STAB2: variants seen among roughly 807,000 people sequenced by gnomAD.
STAB2 encodes the protein stabilin 2.
A neutral mutation model predicts 338.1 loss-of-function variants in STAB2; 288 were observed. The ratio of observed to expected loss-of-function variants is 0.85; its 90% confidence interval spans 0.77 to 0.94. The LOEUF is 0.94. Ranked by LOEUF, STAB2 falls within the 40% of genes least tolerant of loss-of-function variation. The probability of loss-of-function intolerance (pLI) is 0.00; values close to 1 mark genes in which losing one functional copy is unlikely to be tolerated. For synonymous variants in STAB2, 1,202 were observed against 1,193.3 expected, an observed-to-expected ratio of 1.01 and a Z score of -0.15; for missense variants, 3,141 against 3,210.1, an observed-to-expected ratio of 0.98 and a Z score of 0.52.
intron 41 of STAB2, 69 bp downstream of exon 41, chr12:103,712,512 C>T: frequency 8.0e-7 from 1 of 1,253,242 alleles, no homozygotes; most frequent in Non-Finnish European, 1.2e-6. Context: ...GGTTCTTGTT[C>T]CTGCAGTCTG....
At chr12:103,706,677 T>C (rs1879374401) in intron 37 of STAB2, 115 bp from the exon 38 acceptor site, 2 of 1,363,060 alleles carry the variant, frequency 1.5e-6, no homozygotes, top group African/African-American at 1.4e-5. Flanking sequence ...ACCCACTCCA[T>C]GTGAGGTCGA....
At chr12:103,700,071 C>T (rs1420168776) in intron 34 of STAB2, among the ~76,000 whole-genome samples, 1 of 152,158 alleles carries the variant, frequency 6.6e-6, no homozygotes, top group African/African-American at 2.4e-5. Flanking sequence ...TAGGACTAAC[C>T]GACCACCACA....
At chr12:103,646,582 C>T (rs1873353864) in intron 9 of STAB2, among the ~76,000 whole-genome samples, 7 of 152,182 alleles carry the variant, frequency 4.6e-5, no homozygotes, top group Admixed American at 4.6e-4. Flanking sequence ...GGTCAAGTGG[C>T]CTTACCATGT....
intron 30 of STAB2, among the ~76,000 whole-genome samples, chr12:103,691,349 A>C (rs917540747): frequency 3.3e-5 from 5 of 152,226 alleles, no homozygotes; most frequent in Non-Finnish European, 5.9e-5. Context: ...CACTATGAAA[A>C]AGATCTATGC....
In STAB2 at chr12:103,745,219, C is replaced by T. The variant is rs1882929174; in HGVS notation, c.6078C>T (p.Gly2026=). The change falls in exon 57 of 69, where the codon GGC becomes GGT. Residue 2026 remains glycine, a synonymous_variant. Transcript: ENST00000388887. The part of the protein sequence containing the change: ...DHGQCDDGIT[G]SGQCLCETGW... ...GACAGTGCGATGATGGCATCACGGG[C>T]TCCGGGCAGTGCCTCTGTGAAACGG... 4 of 1,614,058 alleles carry T rather than the reference C, an allele frequency of 2.5e-6. No individual in the cohort carries two copies. Among genetic ancestry groups the T allele is most frequent in the Admixed American group, 3.3e-5 (2 of 60,026 alleles).
chr12:103,735,255 G>A (rs1302378547), intron 51 of STAB2, among the ~76,000 whole-genome samples: 3 of 152,058 alleles, frequency 2.0e-5, no homozygotes, highest in African/African-American at 4.8e-5. Flanking sequence ...GAGATGGAAG[G>A]GTGATTGAAA....
chr12:103,609,724 G>A (rs1214370552), intron 3 of STAB2, among the ~76,000 whole-genome samples: 2 of 152,090 alleles, frequency 1.3e-5, no homozygotes, highest in Non-Finnish European at 2.9e-5. Context: ...CCAACACTAT[G>A]TTGAATAGGA....
intron 58 of STAB2, among the ~76,000 whole-genome samples, chr12:103,748,633 C>T (rs890458320): frequency 2.4e-5 from 2 of 84,862 alleles, no homozygotes; most frequent in Non-Finnish European, 4.5e-5. Flanking sequence ...CACACACACA[C>T]ACACACACAC....
chr12:103,735,428 CT>C, intron 51 of STAB2, 62 bp from the exon 52 acceptor site: 1 of 1,287,346 alleles, frequency 7.8e-7, no homozygotes, highest in Non-Finnish European at 1.1e-6. Flanking sequence ...GGTAAAGCTC[CT>C]TCGGGCCGTC....
At chr12:103,759,398 G>GA in intron 65 of STAB2, 125 bp downstream of exon 65, 1 of 1,384,910 alleles carries the variant, frequency 7.2e-7, no homozygotes, top group East Asian at 2.5e-5. Context: ...GCAGATAGGG[G>GA]ACGGTGTTAA....
At position 103,710,067 on chromosome 12, in the gene STAB2, C is replaced by T. The variant is rs1879713602; in HGVS notation, c.4289-1404C>T. ...CCCCTCTCACCAGTAGCCTTGTGGT[C>T]TCTTTGTTTCCTGTCCTATCTTCCT... is the stretch of plus-strand genomic sequence containing the variant. On this transcript the variant is annotated intron_variant, in intron 39 of 68. Transcript: ENST00000388887. Among the ~76,000 whole-genome samples the T allele has an allele frequency of 5.3e-5, 8 of 152,156 alleles. No individual in the cohort carries two copies. The South Asian group carries it at 1.7e-3, about 32-fold the overall frequency.
At chr12:103,719,679 A>C (rs2139035047) in intron 44 of STAB2, among the ~76,000 whole-genome samples, 2 of 152,178 alleles carry the variant, frequency 1.3e-5, no homozygotes, top group East Asian at 3.8e-4. Flanking sequence ...ATCTAGGATG[A>C]TGTTATCTGG....
Position 103,594,413 on chromosome 12 carries a change from A to G in STAB2, c.234A>G (p.Arg78=), listed in dbSNP as rs752086173. 6.2e-7 allele frequency: 1 copy of G among 1,613,868 alleles called. No individual in the cohort carries two copies. Among genetic ancestry groups the G allele is most frequent in the South Asian group, 1.1e-5 (1 of 91,058 alleles). The change falls in exon 3 of 69, where the codon AGA becomes AGG. Residue 78 remains arginine (R), a synonymous_variant. Transcript: ENST00000388887. ...VRDCRYTFEV[R]TYSLSLPGCR... ...CTCCAAGGTACACCTTTGAGGTCAG[A>G]ACATACTCTCTGTCTCTCCCCGGAT...
chr12:103,648,920 G>T, intron 10 of STAB2, 97 bp downstream of exon 10: 2 of 1,513,068 alleles, frequency 1.3e-6, no homozygotes, highest in South Asian at 1.3e-5. Flanking sequence ...GGCGAGCCTT[G>T]TCTATTAGAA....
At chr12:103,630,210 A>G (rs1235013935) in intron 5 of STAB2, among the ~76,000 whole-genome samples, 1 of 152,236 alleles carries the variant, frequency 6.6e-6, no homozygotes, top group Non-Finnish European at 1.5e-5. Context: ...GCAAAACATG[A>G]TAAAGGCCTC....
chr12:103,749,263 AT>A, intron 59 of STAB2, 107 bp downstream of exon 59: 5 of 1,225,114 alleles, frequency 4.1e-6, no homozygotes, highest in Non-Finnish European at 4.4e-6. Flanking sequence ...CTTCCTAAAC[AT>A]TTTTTCTAGC....
At chr12:103,620,180 C>T (rs556534875) in intron 3 of STAB2, among the ~76,000 whole-genome samples, 122 of 152,320 alleles carry the variant, frequency 8.0e-4, no homozygotes, top group African/African-American at 2.7e-3. Flanking sequence ...ATAGCAACCA[C>T]CCCTGAAGGT....
intron 12 of STAB2, among the ~76,000 whole-genome samples, chr12:103,653,941 G>T (rs1873980939): frequency 6.6e-6 from 1 of 150,670 alleles, no homozygotes; most frequent in Non-Finnish European, 1.5e-5. Flanking sequence ...AGAGATGCAT[G>T]GAGGATGCAT....
chr12:103,764,291 T>C (rs919472481), intron 68 of STAB2, among the ~76,000 whole-genome samples: 7 of 152,240 alleles, frequency 4.6e-5, no homozygotes, highest in African/African-American at 1.7e-4. Context: ...GACATTGTTG[T>C]CCAAGATTTT....
Sources: gnomAD v4.1 joint callset for allele counts (sites outside exome capture counted in the v4.1 genomes callset) on GRCh38, gnomAD v4.1.1 for gene constraint, MANE v1.5 for transcripts, NCBI Gene and HGNC (gene_info 2026-07-23, HGNC 2026-07-21) for gene names.